Variants in PDSS2 observed in about 807,000 individuals in gnomAD.
PDSS2 encodes decaprenyl diphosphate synthase subunit 2.
In PDSS2, 31 loss-of-function variants were observed where a neutral mutation model predicts 44.5. The ratio of observed to expected loss-of-function variants is 0.70; its 90% CI spans 0.52 to 0.94. The LOEUF (loss-of-function observed/expected upper bound fraction) is 0.94, where lower values mean the gene tolerates loss of function less well. Ranked by LOEUF, PDSS2 falls within the 40% of genes least tolerant of loss-of-function variation. PDSS2 has a pLI of 0.00. For missense variants in PDSS2, 452 were observed against 482.2 expected (o/e 0.94, Z 0.59); for synonymous variants, 157 against 180.3 (o/e 0.87, Z 1.03).
Position 107,154,677 on chromosome 6 carries a change from G to A in PDSS2, c.1142C>T (p.Pro381Leu). 1 of 1,614,166 alleles carries A rather than the reference G, an allele frequency of 6.2e-7. No individual in the cohort carries two copies. The highest frequency in any genetic ancestry group is 1.1e-5 in the South Asian group (1 of 91,082). ...KALEALESFP[P>L]SEARSALENI... Reference sequence around the variant, plus strand: ...TTCTAAAGCAGATCTGGCCTCCGAGGGAGGAAAGCTCTCCAGGGCCTCCAG... The same window carrying A: ...TTCTAAAGCAGATCTGGCCTCCGAGAGAGGAAAGCTCTCCAGGGCCTCCAG... The change falls in exon 8 of 8, where the codon CCC (proline) becomes CTC (leucine). Residue 381 changes from proline to leucine, a missense_variant. By Grantham distance (98) the Pro-to-Leu change is moderately conservative. Coordinates refer to ENST00000369037, the MANE Select transcript of PDSS2 (RefSeq NM_020381.4).
At chr6:107,382,549 A>G (rs1230551250) in intron 1 of PDSS2, among the ~76,000 whole-genome samples, 1 of 152,178 alleles carries the variant, frequency 6.6e-6, no homozygotes, top group East Asian at 1.9e-4. Flanking sequence ...ATAAAAACTT[A>G]TATTTGGTCA....
At chr6:107,414,702 T>C (rs185276670) in intron 1 of PDSS2, among the ~76,000 whole-genome samples, 226 of 152,304 alleles carry the variant, frequency 1.5e-3, no homozygotes, top group African/African-American at 5.1e-3. Flanking sequence ...CAGAAGCATA[T>C]GGGCTTCCCC....
chr6:107,283,754 C>T (rs571429140), intron 2 of PDSS2, among the ~76,000 whole-genome samples: 4 of 148,324 alleles, frequency 2.7e-5, no homozygotes, highest in South Asian at 2.2e-4. Context: ...AAAAATAGGA[C>T]GGGTGTGGTG....
At chr6:107,164,549 A>C (rs1771267832) in intron 7 of PDSS2, among the ~76,000 whole-genome samples, 2 of 152,106 alleles carry the variant, frequency 1.3e-5, no homozygotes, top group Admixed American at 6.6e-5. Flanking sequence ...GCCACATTTT[A>C]TCAATCCAGT....
At chr6:107,438,679 T>C (rs1781428751) in intron 1 of PDSS2, among the ~76,000 whole-genome samples, 1 of 152,156 alleles carries the variant, frequency 6.6e-6, no homozygotes, top group African/African-American at 2.4e-5. Flanking sequence ...TTTCCCCCCA[T>C]TGGATCTCTG....
chr6:107,292,784 C>A (rs987866904), intron 2 of PDSS2, among the ~76,000 whole-genome samples: 14 of 152,136 alleles, frequency 9.2e-5, no homozygotes, highest in Admixed American at 2.6e-4. Context: ...GGAGGGGCAG[C>A]TAACTAATAA....
intron 2 of PDSS2, among the ~76,000 whole-genome samples, chr6:107,280,095 T>C (rs936217119): frequency 6.6e-6 from 1 of 152,186 alleles, no homozygotes; most frequent in Admixed American, 6.5e-5. Context: ...AGTCTTGCTC[T>C]GTCACCCAGG....
At chr6:107,293,464 C>T (rs2430474) in intron 2 of PDSS2, among the ~76,000 whole-genome samples, 37,165 of 152,148 alleles carry the variant, frequency 0.24, 5,849 homozygotes, top group Middle Eastern at 0.48. Flanking sequence ...AGAGCAGATT[C>T]TATCACTTGC....
chr6:107,287,040 A>AAAAAC (rs1439058427), intron 2 of PDSS2, among the ~76,000 whole-genome samples: 1 of 100,274 alleles, frequency 1.0e-5, no homozygotes, highest in Non-Finnish European at 2.1e-5. Flanking sequence ...CTCCGTCTCA[A>AAAAAC]AAAACAAAAC....
chr6:107,333,762 T>C (rs1052732762), intron 2 of PDSS2, among the ~76,000 whole-genome samples: 2 of 152,104 alleles, frequency 1.3e-5, no homozygotes, highest in South Asian at 2.1e-4. Context: ...TCTCAAACTC[T>C]TGGTCTCAAG....
intron 3 of PDSS2, among the ~76,000 whole-genome samples, chr6:107,270,821 T>C (rs1775575616): frequency 6.6e-6 from 1 of 152,164 alleles, no homozygotes; most frequent in Non-Finnish European, 1.5e-5. Flanking sequence ...TTTACCTTAA[T>C]CCCATGAATG....
chr6:107,374,870 G>A (rs756727119), intron 1 of PDSS2, among the ~76,000 whole-genome samples: 2 of 151,526 alleles, frequency 1.3e-5, no homozygotes, highest in East Asian at 1.9e-4. Context: ...TATAATTTCC[G>A]ATTTTGAGTT....
intron 1 of PDSS2, among the ~76,000 whole-genome samples, chr6:107,419,854 G>T (rs1391819523): frequency 6.6e-6 from 1 of 152,164 alleles, no homozygotes; most frequent in Non-Finnish European, 1.5e-5. Context: ...TATATGAAAA[G>T]CATCGTTATC....
intron 1 of PDSS2, among the ~76,000 whole-genome samples, chr6:107,404,576 G>A (rs550561066): frequency 6.6e-6 from 1 of 152,326 alleles, no homozygotes; most frequent in South Asian, 2.1e-4. Flanking sequence ...CGAACAAGGA[G>A]TAAAGGCACG....
At chr6:107,456,879 G>A (rs1269618151) in intron 1 of PDSS2, among the ~76,000 whole-genome samples, 2 of 152,180 alleles carry the variant, frequency 1.3e-5, no homozygotes, top group African/African-American at 4.8e-5. Flanking sequence ...TTTAAAAACA[G>A]TTTAGTGGGA....
intron 2 of PDSS2, among the ~76,000 whole-genome samples, chr6:107,305,577 G>A (rs1776832497): frequency 6.6e-6 from 1 of 152,122 alleles, no homozygotes; most frequent in Admixed American, 6.5e-5. Context: ...TTATTTCATA[G>A]GACTGTTGTA....
chr6:107,386,379 TA>T (rs57917321), intron 1 of PDSS2, among the ~76,000 whole-genome samples: 3,340 of 143,554 alleles, frequency 0.023, 94 homozygotes, highest in East Asian at 0.13. Context: ...TGTCATTTTC[TA>T]AAAAAAAAAA....
intron 4 of PDSS2, among the ~76,000 whole-genome samples, chr6:107,214,701 G>A (rs1038857828): frequency 6.6e-6 from 1 of 152,124 alleles, no homozygotes; most frequent in Admixed American, 6.6e-5. Flanking sequence ...GTCACCAAAA[G>A]GTCAGCTGAA....
chr6:107,211,420 AT>A (rs1271594437), intron 5 of PDSS2, among the ~76,000 whole-genome samples: 1 of 152,072 alleles, frequency 6.6e-6, no homozygotes, highest in Non-Finnish European at 1.5e-5. Context: ...TTAACTTTTC[AT>A]AACATGTTTT....
Sources: allele counts gnomAD v4.1 joint callset (sites outside exome capture counted in the v4.1 genomes callset), GRCh38; gene constraint gnomAD v4.1.1; transcripts MANE v1.5; gene names NCBI Gene and HGNC (gene_info 2026-07-23, HGNC 2026-07-21).